CDC45: variants seen among roughly 807,000 people sequenced by gnomAD.
The protein encoded by CDC45 is cell division cycle 45.
CDC45 carries 54 observed loss-of-function variants against 77.8 expected under a neutral mutation model. The observed-to-expected ratio is 0.69, with a 90% CI of 0.56 to 0.87. The LOEUF is 0.87. CDC45 is among the 40% of genes least tolerant of loss of function. The pLI is 0.00. For synonymous variants in CDC45, 260 were observed against 272.1 expected, an observed-to-expected ratio of 0.96 and a Z score of 0.44; for missense variants, 649 against 721.6, an observed-to-expected ratio of 0.90 and a Z score of 1.15.
intron 10 of CDC45, among the ~76,000 whole-genome samples, chr22:19,505,745 T>C (rs1376425776): frequency 1.3e-5 from 2 of 152,192 alleles, no homozygotes; most frequent in Admixed American, 6.5e-5. Flanking sequence ...GCTCTGGACA[T>C]GGTAGCAGTG....
chr22:19,480,263 AGGGTGCTGCGTGG>A, intron 2 of CDC45, 46 bp downstream of exon 2: 2 of 1,572,866 alleles, frequency 1.3e-6, no homozygotes, highest in Non-Finnish European at 1.7e-6. Context: ...GCGCGAGGTG[AGGGTGCTGCGTGG>A]GGGCGCAGGG....
At position 19,484,113 on chromosome 22, in the gene CDC45, G is replaced by A. The variant is rs13447205; in HGVS notation, c.486+108G>A. 21,354 of 1,095,284 alleles carry A rather than the reference G, an allele frequency of 0.019. 262 individuals are homozygous for A. Among genetic ancestry groups the A allele is most frequent in the Non-Finnish European group, 0.025 (19,070 of 765,436 alleles). The allele number at this position is 1,095,284 out of a possible 1,614,324, so 67.8% of individuals were successfully genotyped here. ...GGTGTACTGAGGGCAGTGGGAAGTG[G>A]AAAAGTTAGCAGGCATGGATGCTGA... On this transcript the variant is annotated intron_variant, in intron 5 of 18. Transcript: ENST00000263201.
chr22:19,516,919 C>T (rs1933831266), intron 17 of CDC45, 26 bp downstream of exon 17: 2 of 1,586,788 alleles, frequency 1.3e-6, no homozygotes, highest in African/African-American at 1.3e-5. Flanking sequence ...CACTCTGCCA[C>T]ACTTTCCCAC....
Position 19,507,281 on chromosome 22 carries a change from C to T in CDC45, c.825-105C>T, listed in dbSNP as rs530085957. 1.4e-4 allele frequency: 195 copies of T among 1,387,962 alleles called. 2 individuals carry two copies. The highest frequency in any genetic ancestry group is 4.0e-6 in the Non-Finnish European group (4 of 1,006,104). The allele number at this position is 1,387,962 out of a possible 1,614,324, so 86.0% of individuals were successfully genotyped here. ...TGGGATACCTGGTTTTGCAGGCAGG[C>T]CTGGTGAGAAAGGGCCCCGCCATCA... On this transcript the variant is annotated intron_variant, in intron 10 of 18. Coordinates refer to ENST00000263201, the MANE Select transcript of CDC45 (RefSeq NM_003504.5).
chr22:19,517,331 G>A (rs1260615479), intron 17 of CDC45, among the ~76,000 whole-genome samples: 1 of 152,186 alleles, frequency 6.6e-6, no homozygotes, highest in East Asian at 1.9e-4. Context: ...GGTGTGTGTC[G>A]TGATAGGTGC....
At position 19,515,174 on chromosome 22, in the gene CDC45, C is replaced by T. The variant is rs1406220405; in HGVS notation, c.1440+126C>T. ...GACCAGCTGCAAGGTCTAGGCACAT[C>T]CATTACTTTTTCTGAGCTGTCTTTT... On this transcript the variant is annotated intron_variant, in intron 15 of 18. Coordinates refer to ENST00000263201, the MANE Select transcript of CDC45 (RefSeq NM_003504.5). The T allele has an allele frequency of 5.1e-6, 4 of 781,948 alleles. No homozygotes were observed. The East Asian group carries it at 1.1e-4, about 21-fold the overall frequency. 48.4% of individuals were successfully genotyped at this position (781,948 alleles called of 1,614,324 possible). A position where few individuals can be genotyped will look rare whatever the true frequency, so the allele number is the denominator to read the frequency against.
In CDC45 at chr22:19,481,113, A is replaced by G. The variant is rs1026729141; in HGVS notation, c.204+68A>G. ...TTGTAATTTCTTGACACAGCATTCT[A>G]TTTCCACGATAGATTAAGCGTGTAT... On this transcript the variant is annotated intron_variant, in intron 3 of 18. Transcript: ENST00000263201. 1.6e-5 allele frequency: 16 copies of G among 973,138 alleles called. 1 individual carries two copies. The highest frequency in any genetic ancestry group is 3.2e-5 in the African/African-American group (2 of 62,460). 60.3% of individuals were successfully genotyped at this position (973,138 alleles called of 1,614,324 possible). A position where few individuals can be genotyped will look rare whatever the true frequency, so the allele number is the denominator to read the frequency against.
chr22:19,493,645 T>C (rs1333847815), intron 5 of CDC45, among the ~76,000 whole-genome samples: 1 of 152,150 alleles, frequency 6.6e-6, no homozygotes, highest in African/African-American at 2.4e-5. Flanking sequence ...GGTTTTACCA[T>C]GTTGGCCAGG....
At chr22:19,491,120 C>T (rs2090147463) in intron 5 of CDC45, among the ~76,000 whole-genome samples, 1 of 152,176 alleles carries the variant, frequency 6.6e-6, no homozygotes, top group Non-Finnish European at 1.5e-5. Context: ...AGCCACTGTG[C>T]CTGGCCTTGT....
chr22:19,486,927 T>C (rs1396348780), intron 5 of CDC45, among the ~76,000 whole-genome samples: 1 of 151,976 alleles, frequency 6.6e-6, no homozygotes, highest in Non-Finnish European at 1.5e-5. Flanking sequence ...CCTCCCACCT[T>C]GGCCTCCCAA....
Position 19,484,355 on chromosome 22 carries a change from G to A in CDC45, c.486+350G>A, listed in dbSNP as rs528015631. 1.6e-4 allele frequency among the ~76,000 whole-genome samples: 25 copies of A among 152,244 alleles called. No individual in the cohort carries two copies. The South Asian group carries it at 5.0e-3, about 30-fold the overall frequency. On this transcript the variant is annotated intron_variant, in intron 5 of 18. Transcript: ENST00000263201. ...ACTGTCTTCTAGCATCACTTACTAT[G>A]CAGTCACTGCAGAGGAGCAATGTGG...
rs13447195 is a variant in CDC45, at chr22:19,481,829, G to T, written c.204+784G>T. 3.7e-3 allele frequency among the ~76,000 whole-genome samples: 565 copies of T among 152,108 alleles called. 4 individuals are homozygous for T. Among genetic ancestry groups the T allele is most frequent in the African/African-American group, 0.013 (540 of 41,476 alleles). On this transcript the variant is annotated intron_variant, in intron 3 of 18. Coordinates refer to ENST00000263201, the MANE Select transcript of CDC45 (RefSeq NM_003504.5). ...TGGGATTACAAGTGCCCACCACCAC[G>T]CCTGGCTAATTTTTGTATTTCTAGT...
At position 19,497,431 on chromosome 22, in the gene CDC45, C is replaced by G; in HGVS notation, c.637C>G (p.Leu213Val). 2 of 1,614,056 alleles carry G rather than the reference C, an allele frequency of 1.2e-6. No individual in the cohort carries two copies. Among genetic ancestry groups the G allele is most frequent in the South Asian group, 2.2e-5 (2 of 91,076 alleles). The part of the protein sequence containing the change: ...FELAWMLSKD[L>V]NDMLWWAIVG... ...GCTGGCTTGGATGCTGTCCAAGGACCTGAATGACATGCTGTGGTACGTAGC... is the reference window on the plus strand; with the variant it reads ...GCTGGCTTGGATGCTGTCCAAGGACGTGAATGACATGCTGTGGTACGTAGC... Residue 213 changes from leucine to valine, a missense_variant, in exon 8 of 19, where the codon CTG becomes GTG. By Grantham distance (32) the Leu-to-Val change is conservative. Transcript: ENST00000263201.
At chr22:19,512,185 G>A (rs1472121918) in intron 13 of CDC45, among the ~76,000 whole-genome samples, 2 of 152,092 alleles carry the variant, frequency 1.3e-5, no homozygotes, top group African/African-American at 2.4e-5. Flanking sequence ...CTCCCTTGCT[G>A]TTTAACAGGA....
chr22:19,490,299 G>A (rs558573527), intron 5 of CDC45, among the ~76,000 whole-genome samples: 1 of 151,758 alleles, frequency 6.6e-6, no homozygotes, highest in East Asian at 1.9e-4. Context: ...ACATGTTAGG[G>A]CTTAAGTCTG....
intron 5 of CDC45, among the ~76,000 whole-genome samples, chr22:19,486,563 A>G (rs1004111413): frequency 5.3e-5 from 8 of 152,076 alleles, no homozygotes; most frequent in African/African-American, 1.2e-4. Context: ...TGCATTTTCT[A>G]TGATCTGTAA....
upstream of CDC45, chr22:19,479,495 T>C: frequency 3.4e-6 from 2 of 593,068 alleles, no homozygotes; most frequent in Non-Finnish European, 6.4e-6. Context: ...CATCGAGGAC[T>C]CGGGCGGAAC....
At chr22:19,495,141 T>C (rs2090220224) in intron 6 of CDC45, among the ~76,000 whole-genome samples, 2 of 152,204 alleles carry the variant, frequency 1.3e-5, no homozygotes, top group African/African-American at 2.4e-5. Flanking sequence ...ACTGCCTAAT[T>C]AAAAGAGATT....
In CDC45 at chr22:19,504,777, A is replaced by G. The variant is rs940449335; in HGVS notation, c.705-585A>G. Among the ~76,000 whole-genome samples the G allele has an allele frequency of 3.9e-5, 6 of 152,136 alleles. No homozygotes were observed. The East Asian group carries it at 5.8e-4, about 15-fold the overall frequency. ...TAGCTCCATCAGTATACAGGACCCAAAGGAATATCTCAAAGGGAAAACAGC... is the reference window on the plus strand; with the variant it reads ...TAGCTCCATCAGTATACAGGACCCAGAGGAATATCTCAAAGGGAAAACAGC... On this transcript the variant is annotated intron_variant, in intron 9 of 18. Transcript: ENST00000263201.
Sources: gnomAD v4.1 joint callset for allele counts (sites outside exome capture counted in the v4.1 genomes callset) on GRCh38, gnomAD v4.1.1 for gene constraint, MANE v1.5 for transcripts, NCBI Gene and HGNC (gene_info 2026-07-23, HGNC 2026-07-21) for gene names.